The following FARS2 variants were observed in gnomAD, a reference collection of about 807,000 sequenced individuals.
The protein encoded by FARS2 is phenylalanine--tRNA ligase, mitochondrial.
Under a neutral mutation model 46.4 loss-of-function variants are expected in FARS2, and 40 were observed. That is an observed-to-expected ratio of 0.86 (90% CI 0.67 to 1.12). The LOEUF (loss-of-function observed/expected upper bound fraction) is 1.12, where lower values mean the gene tolerates loss of function less well. Ranked by LOEUF, FARS2 falls within the 50% of genes most tolerant of loss-of-function variation. The pLI, the probability that FARS2 is intolerant of heterozygous loss-of-function variation, is 0.00. For synonymous variants in FARS2, 234 were observed against 214.9 expected (o/e 1.09, Z -0.78); for missense variants, 513 against 567.9 (o/e 0.90, Z 0.98).
At chr6:5,375,768 C>A (rs1173633857) in intron 2 of FARS2, among the ~76,000 whole-genome samples, 4 of 151,970 alleles carry the variant, frequency 2.6e-5, no homozygotes, top group Non-Finnish European at 5.9e-5. Flanking sequence ...AGACAGTTAT[C>A]TCTATAGGAA....
rs187026182 is a variant in FARS2 at position 5,756,868 on chromosome 6, A to G, written c.1218-14423A>G. ...GACATACTCTTCGATCACATGTTTC[A>G]GCCACCTGTCCAAAACACACACTTT... is the stretch of plus-strand genomic sequence containing the variant. On this transcript the variant is annotated intron_variant, in intron 6 of 6. Transcript: ENST00000274680. Among the ~76,000 whole-genome samples, 11 of 152,364 alleles carry G rather than the reference A, an allele frequency of 7.2e-5. No homozygotes were observed. The East Asian group carries it at 1.3e-3, about 19-fold the overall frequency.
intron 1 of FARS2, among the ~76,000 whole-genome samples, chr6:5,342,005 G>A (rs1011379251): frequency 1.3e-4 from 20 of 152,150 alleles, no homozygotes; most frequent in African/African-American, 4.6e-4. Context: ...AGTAGCCCAA[G>A]TAGAATCACA....
chr6:5,455,404 G>A (rs1299630882), intron 4 of FARS2, among the ~76,000 whole-genome samples: 2 of 152,184 alleles, frequency 1.3e-5, no homozygotes, highest in Non-Finnish European at 2.9e-5. Flanking sequence ...TGTTAGTGGA[G>A]TAATGTCTGA....
At chr6:5,280,255 G>A (rs963760949) in intron 1 of FARS2, among the ~76,000 whole-genome samples, 2 of 152,228 alleles carry the variant, frequency 1.3e-5, no homozygotes, top group Non-Finnish European at 1.5e-5. Context: ...CATATGAATA[G>A]TGGCATGGAA....
intron 1 of FARS2, among the ~76,000 whole-genome samples, chr6:5,268,194 A>G (rs1431441121): frequency 6.6e-6 from 1 of 151,412 alleles, no homozygotes; most frequent in East Asian, 1.9e-4. Flanking sequence ...GCTGTGCAGA[A>G]GCTCTTTAGT....
In FARS2 at chr6:5,546,055, G is replaced by A. The variant is rs535032937; in HGVS notation, c.1065+715G>A. On this transcript the variant is annotated intron_variant, in intron 5 of 6. Coordinates refer to ENST00000274680, the MANE Select transcript of FARS2 (RefSeq NM_006567.5). ...AGGCAGGAGAATCACTTGAACCCAG[G>A]AGGCAGAGGTTGCAGTCAGCTGAGA... 2.0e-5 allele frequency among the ~76,000 whole-genome samples: 3 copies of A among 152,118 alleles called. No homozygotes were observed. The East Asian group carries it at 5.8e-4, about 30-fold the overall frequency.
chr6:5,618,400 A>G (rs1428359574), intron 6 of FARS2, among the ~76,000 whole-genome samples: 3 of 152,214 alleles, frequency 2.0e-5, no homozygotes, highest in African/African-American at 7.2e-5. Flanking sequence ...TATAAATGAA[A>G]TATAGCCTGA....
At chr6:5,620,270 C>G (rs1047837170) in intron 6 of FARS2, among the ~76,000 whole-genome samples, 1 of 152,150 alleles carries the variant, frequency 6.6e-6, no homozygotes, top group Non-Finnish European at 1.5e-5. Context: ...CCTTGGTAGG[C>G]AAAATTGCCC....
At chr6:5,444,764 C>T (rs1486312760) in intron 4 of FARS2, among the ~76,000 whole-genome samples, 1 of 133,332 alleles carries the variant, frequency 7.5e-6, no homozygotes, top group Non-Finnish European at 1.6e-5. Context: ...TCTTCAGGCT[C>T]ATGGAAACAG....
At chr6:5,608,034 A>G (rs142003643) in intron 5 of FARS2, among the ~76,000 whole-genome samples, 18 of 151,930 alleles carry the variant, frequency 1.2e-4, no homozygotes, top group African/African-American at 4.3e-4. Context: ...GACTTTTAAC[A>G]AATATCTTTT....
intron 3 of FARS2, among the ~76,000 whole-genome samples, chr6:5,415,842 G>A (rs767245992): frequency 6.6e-6 from 1 of 152,172 alleles, no homozygotes; most frequent in Non-Finnish European, 1.5e-5. Context: ...AAGTAATGGG[G>A]ATTACAGGTG....
At chr6:5,507,800 G>A (rs1176298496) in intron 4 of FARS2, among the ~76,000 whole-genome samples, 2 of 152,240 alleles carry the variant, frequency 1.3e-5, no homozygotes, top group Admixed American at 6.5e-5. Context: ...AGAGGGACAA[G>A]GGAGAAGCAG....
intron 5 of FARS2, chr6:5,609,757 C>T: frequency 6.6e-7 from 1 of 1,510,356 alleles, no homozygotes; most frequent in Non-Finnish European, 9.1e-7. Flanking sequence ...AGCCCCTTTT[C>T]TTGCCACTGC....
chr6:5,723,396 C>T (rs1043736971), intron 6 of FARS2, among the ~76,000 whole-genome samples: 2 of 152,148 alleles, frequency 1.3e-5, no homozygotes, highest in African/African-American at 4.8e-5. Context: ...ATTCAAAACT[C>T]GGCTTTGTGT....
intron 1 of FARS2, among the ~76,000 whole-genome samples, chr6:5,332,601 T>C (rs532375445): frequency 2.6e-5 from 4 of 152,366 alleles, no homozygotes; most frequent in African/African-American, 4.8e-5. Flanking sequence ...ATCACTTGTT[T>C]TATTTAAAAT....
intron 6 of FARS2, among the ~76,000 whole-genome samples, chr6:5,734,249 G>A (rs1035433587): frequency 6.6e-6 from 1 of 152,142 alleles, no homozygotes; most frequent in Non-Finnish European, 1.5e-5. Context: ...CAGCACTGGG[G>A]GTCTGACCAG....
intron 6 of FARS2, among the ~76,000 whole-genome samples, chr6:5,703,171 C>G (rs1561810582): frequency 6.6e-6 from 1 of 152,138 alleles, no homozygotes; most frequent in Admixed American, 6.5e-5. Flanking sequence ...ATTTTGGTTC[C>G]AAAGAGTGAT....
At chr6:5,341,148 G>A (rs1449272649) in intron 1 of FARS2, among the ~76,000 whole-genome samples, 11 of 120,268 alleles carry the variant, frequency 9.1e-5, no homozygotes, top group Admixed American at 3.9e-4. Context: ...ATATGCACAC[G>A]TTGTTTCACT....
intron 4 of FARS2, among the ~76,000 whole-genome samples, chr6:5,503,104 C>G (rs768154336): frequency 5.9e-4 from 89 of 151,428 alleles, no homozygotes; most frequent in Non-Finnish European, 8.8e-4. Context: ...AACATCCTCA[C>G]TAAATTAAGA....
Sources: gnomAD v4.1 joint callset for allele counts (sites outside exome capture counted in the v4.1 genomes callset) on GRCh38, gnomAD v4.1.1 for gene constraint, MANE v1.5 for transcripts, NCBI Gene and HGNC (gene_info 2026-07-23, HGNC 2026-07-21) for gene names.